Variants in STK32B observed in about 807,000 individuals in gnomAD.
STK32B encodes the protein serine/threonine kinase 32B.
In STK32B, 43 loss-of-function variants were observed where a neutral mutation model predicts 52.6. The ratio of observed to expected loss-of-function variants is 0.82; its 90% CI spans 0.64 to 1.05. STK32B has a LOEUF of 1.05. STK32B is among the 50% of genes least tolerant of loss of function. The pLI, the probability that STK32B is intolerant of heterozygous loss-of-function variation, is 0.00. For missense variants in STK32B, 621 were observed against 534.6 expected (o/e 1.16, Z -1.59); for synonymous variants, 238 against 204.3 (o/e 1.17, Z -1.41).
At chr4:5,462,206 G>A (rs1246197969) in intron 9 of STK32B, among the ~76,000 whole-genome samples, 3 of 152,012 alleles carry the variant, frequency 2.0e-5, no homozygotes, top group South Asian at 4.2e-4. Context: ...CGTGGTGTGT[G>A]TGCCTATATG....
At chr4:5,271,443 C>T (rs1021301929) in intron 3 of STK32B, among the ~76,000 whole-genome samples, 5 of 151,862 alleles carry the variant, frequency 3.3e-5, no homozygotes, top group African/African-American at 1.2e-4. Flanking sequence ...AGTGTGATGC[C>T]TCCAGCTTTG....
chr4:5,048,787 T>G (rs1741665351), upstream of STK32B, among the ~76,000 whole-genome samples: 1 of 152,224 alleles, frequency 6.6e-6, no homozygotes, highest in South Asian at 2.1e-4. Context: ...TGGCTTAGCC[T>G]ATTTGTGCCC....
chr4:5,243,568 A>G (rs992806581), intron 3 of STK32B, among the ~76,000 whole-genome samples: 4 of 152,212 alleles, frequency 2.6e-5, no homozygotes, highest in African/African-American at 9.6e-5. Context: ...AATGCCCCTT[A>G]TTTCCTTCTC....
intron 3 of STK32B, among the ~76,000 whole-genome samples, chr4:5,182,125 C>A (rs1720412637): frequency 6.6e-6 from 1 of 152,236 alleles, no homozygotes; most frequent in African/African-American, 2.4e-5. Flanking sequence ...TAAGAATCAA[C>A]TCCTCACCTG....
At chr4:5,047,334 G>T (rs1741638671), upstream of STK32B, among the ~76,000 whole-genome samples, 2 of 151,502 alleles carry the variant, frequency 1.3e-5, no homozygotes, top group Admixed American at 1.3e-4. Flanking sequence ...ACCAGGGCCT[G>T]TTGGGGGGTG....
intron 1 of STK32B, among the ~76,000 whole-genome samples, chr4:5,063,692 G>A (rs1262634266): frequency 6.6e-6 from 1 of 152,184 alleles, no homozygotes; most frequent in Non-Finnish European, 1.5e-5. Flanking sequence ...TTCACACTGT[G>A]TCTTTGAAAT....
intron 3 of STK32B, among the ~76,000 whole-genome samples, chr4:5,237,354 C>T (rs915149244): frequency 5.3e-5 from 8 of 152,192 alleles, no homozygotes; most frequent in Admixed American, 1.3e-4. Flanking sequence ...GGCTTGGATG[C>T]GAAAATGCTC....
At chr4:5,196,368 G>A (rs1435494844) in intron 3 of STK32B, among the ~76,000 whole-genome samples, 1 of 139,026 alleles carries the variant, frequency 7.2e-6, no homozygotes, top group Admixed American at 7.3e-5. Flanking sequence ...TTGGTGGTGG[G>A]GGGCCCACCT....
chr4:5,199,351 T>C (rs958591235), intron 3 of STK32B, among the ~76,000 whole-genome samples: 2 of 152,186 alleles, frequency 1.3e-5, no homozygotes, highest in African/African-American at 4.8e-5. Flanking sequence ...GTAATGAATA[T>C]GTTAAGTGCT....
chr4:5,441,634 G>T (rs572703757), intron 6 of STK32B, among the ~76,000 whole-genome samples: 1 of 151,454 alleles, frequency 6.6e-6, no homozygotes, highest in Non-Finnish European at 1.5e-5. Context: ...GTTATTTCTT[G>T]CCTTCTGCTA....
chr4:5,182,135 G>C (rs1460681466), intron 3 of STK32B, among the ~76,000 whole-genome samples: 1 of 152,190 alleles, frequency 6.6e-6, no homozygotes, highest in African/African-American at 2.4e-5. Context: ...CTCCTCACCT[G>C]TTCAAGTGTG....
intron 3 of STK32B, among the ~76,000 whole-genome samples, chr4:5,201,517 A>G (rs1023172848): frequency 2.6e-5 from 4 of 152,226 alleles, no homozygotes; most frequent in Non-Finnish European, 5.9e-5. Flanking sequence ...CCACTCTGAA[A>G]GAAAGGAGAA....
intron 3 of STK32B, among the ~76,000 whole-genome samples, chr4:5,326,592 C>T (rs1046052901): frequency 6.6e-6 from 1 of 152,146 alleles, no homozygotes; most frequent in African/African-American, 2.4e-5. Flanking sequence ...TTATACTACA[C>T]TGTATTCAGT....
At chr4:5,088,113 A>G (rs1423136286) in intron 1 of STK32B, among the ~76,000 whole-genome samples, 1 of 152,108 alleles carries the variant, frequency 6.6e-6, no homozygotes, top group Non-Finnish European at 1.5e-5. Flanking sequence ...CGCAACAGAA[A>G]AAAGCTAGGA....
At chr4:5,019,520 C>T in the STK32B span, 2 of 1,367,680 alleles carry the variant, frequency 1.5e-6, no homozygotes, top group South Asian at 1.7e-5. Flanking sequence ...GGCTCCACGC[C>T]TCCACTTCCT....
In STK32B at chr4:5,398,834, A is replaced by AGAGTC. The variant is rs1186098550; in HGVS notation, c.472+591_472+595dup. On this transcript the variant is annotated intron_variant, in intron 5 of 11. Coordinates refer to ENST00000282908, the MANE Select transcript of STK32B (RefSeq NM_018401.3). This position sits in a 1 kb window ranked among gnomAD's most constrained non-coding sequence, Gnocchi z 4.9. The stretch of plus-strand genomic sequence containing the variant: ...GATGGGACTAGACTCTGCAAAGTCC[A>AGAGTC]GAGTCTGCAAAGCTCCCAGGTGGCT... Among the ~76,000 whole-genome samples, 2 of 152,244 alleles carry AGAGTC rather than the reference A, an allele frequency of 1.3e-5. No individual in the cohort carries two copies. Among genetic ancestry groups the AGAGTC allele is most frequent in the African/African-American group, 4.8e-5 (2 of 41,462 alleles).
intron 3 of STK32B, among the ~76,000 whole-genome samples, chr4:5,247,433 T>C (rs1725538272): frequency 1.3e-5 from 2 of 152,036 alleles, no homozygotes; most frequent in African/African-American, 4.8e-5. Flanking sequence ...AGCGCAGTGT[T>C]AGGGTGGGAG....
intron 1 of STK32B, among the ~76,000 whole-genome samples, chr4:5,109,923 G>C (rs1714304937): frequency 6.6e-6 from 1 of 151,846 alleles, no homozygotes; most frequent in Non-Finnish European, 1.5e-5. Flanking sequence ...TAAAGTCTCA[G>C]GATACAAAAT....
chr4:5,078,514 AAT>A (rs1438425122), intron 1 of STK32B, among the ~76,000 whole-genome samples: 2 of 152,314 alleles, frequency 1.3e-5, no homozygotes, highest in Non-Finnish European at 2.9e-5. Context: ...CCACTAGCCA[AAT>A]ATTGATAAGT....
Sources: allele counts gnomAD v4.1 joint callset (sites outside exome capture counted in the v4.1 genomes callset), GRCh38; gene constraint gnomAD v4.1.1; non-coding constraint Gnocchi (gnomAD v3.1); transcripts MANE v1.5; gene names NCBI Gene and HGNC (gene_info 2026-07-23, HGNC 2026-07-21).